Variants in GFRA2 observed in about 807,000 individuals in gnomAD.
The protein encoded by GFRA2 is GDNF family receptor alpha-2.
A neutral mutation model predicts 48.3 loss-of-function variants in GFRA2; 17 were observed. The observed-to-expected ratio is 0.35, with a 90% confidence interval of 0.24 to 0.53. The LOEUF is 0.53. GFRA2 is among the 20% of genes least tolerant of loss of function. The pLI is 0.93. For missense variants in GFRA2, 660 were observed against 637.3 expected (o/e 1.04, Z -0.38); for synonymous variants, 305 against 257.2 (o/e 1.19, Z -1.78).
At chr8:21,808,811 G>A (rs2117122529) in intron 1 of GFRA2, among the ~76,000 whole-genome samples, 1 of 152,360 alleles carries the variant, frequency 6.6e-6, no homozygotes, top group South Asian at 2.1e-4. Flanking sequence ...TGAAGGCCCT[G>A]AAGCCAAGGT....
intron 3 of GFRA2, among the ~76,000 whole-genome samples, chr8:21,763,217 T>C (rs1805994730): frequency 6.6e-6 from 1 of 152,234 alleles, no homozygotes; most frequent in African/African-American, 2.4e-5. Flanking sequence ...AAGACTTAGT[T>C]TGGGTAAATC....
upstream of GFRA2, chr8:21,790,204 G>T: frequency 2.0e-6 from 1 of 511,756 alleles, no homozygotes; most frequent in Non-Finnish European, 2.5e-6. Context: ...GCGGGGTCGC[G>T]GTCGCGCGAG....
intron 2 of GFRA2, among the ~76,000 whole-genome samples, chr8:21,800,704 G>C (rs1413964252): frequency 6.6e-6 from 1 of 152,162 alleles, no homozygotes; most frequent in Non-Finnish European, 1.5e-5. Context: ...GCAGGAGGAT[G>C]GCTTGAGCCC....
At chr8:21,742,413 G>T (rs1212541590) in intron 4 of GFRA2, among the ~76,000 whole-genome samples, 1 of 152,100 alleles carries the variant, frequency 6.6e-6, no homozygotes, top group South Asian at 2.1e-4. Context: ...CTCATCACAG[G>T]GCCTTTATGG....
chr8:21,802,334 G>C (rs1330854001), intron 2 of GFRA2, among the ~76,000 whole-genome samples: 9 of 152,176 alleles, frequency 5.9e-5, no homozygotes, highest in African/African-American at 1.9e-4. Context: ...CACTGACATA[G>C]ACACATTGCC....
chr8:21,778,223 A>C (rs2117722191), intron 2 of GFRA2, among the ~76,000 whole-genome samples: 1 of 152,242 alleles, frequency 6.6e-6, no homozygotes, highest in East Asian at 1.9e-4. Flanking sequence ...ACAGGGAGGA[A>C]GGACTCGCAG....
chr8:21,732,345 G>A (rs954892346), intron 4 of GFRA2, among the ~76,000 whole-genome samples: 4 of 152,246 alleles, frequency 2.6e-5, no homozygotes, highest in African/African-American at 4.8e-5. Context: ...AGGGCCTGCC[G>A]AGTGGAGCAG....
intron 4 of GFRA2, among the ~76,000 whole-genome samples, chr8:21,744,825 C>G (rs933532440): frequency 6.6e-6 from 1 of 152,142 alleles, no homozygotes; most frequent in Non-Finnish European, 1.5e-5. Flanking sequence ...AGCCCTAAGG[C>G]TCGTGCGATA....
chr8:21,727,540 C>A (rs980657582), intron 4 of GFRA2, among the ~76,000 whole-genome samples: 3 of 152,184 alleles, frequency 2.0e-5, no homozygotes, highest in Non-Finnish European at 4.4e-5. Context: ...CCATCACGGC[C>A]CCCCCCAGGA....
intron 4 of GFRA2, among the ~76,000 whole-genome samples, chr8:21,747,981 T>G (rs111339762): frequency 9.2e-5 from 14 of 152,158 alleles, no homozygotes; most frequent in Middle Eastern, 3.4e-3. Flanking sequence ...CACTGGTGTT[T>G]CCAGTAGATT....
At chr8:21,710,469 C>T (rs751298959) in intron 4 of GFRA2, among the ~76,000 whole-genome samples, 4 of 152,196 alleles carry the variant, frequency 2.6e-5, no homozygotes, top group Non-Finnish European at 5.9e-5. Context: ...ATCAAGGAGA[C>T]GGGGCTCCCT....
At chr8:21,771,869 T>C (rs368742450) in intron 3 of GFRA2, among the ~76,000 whole-genome samples, 1 of 151,872 alleles carries the variant, frequency 6.6e-6, no homozygotes, top group African/African-American at 2.4e-5. Flanking sequence ...GCAGGCAATA[T>C]GAGTTGGGTG....
chr8:21,709,498 G>A (rs546114699), intron 4 of GFRA2, among the ~76,000 whole-genome samples: 16 of 152,232 alleles, frequency 1.1e-4, no homozygotes, highest in African/African-American at 3.4e-4. Flanking sequence ...AATACACATC[G>A]AGCCCTGCCG....
At chr8:21,787,479 G>A (rs960969108) in intron 1 of GFRA2, among the ~76,000 whole-genome samples, 3 of 152,212 alleles carry the variant, frequency 2.0e-5, no homozygotes, top group Non-Finnish European at 4.4e-5. Context: ...CACCCATCTG[G>A]CTCGGGGCTC....
At chr8:21,701,954 A>G (rs1434577532) in intron 7 of GFRA2, among the ~76,000 whole-genome samples, 1 of 152,146 alleles carries the variant, frequency 6.6e-6, no homozygotes. Flanking sequence ...GCATCCTGCC[A>G]AGTCAGCCTC....
At position 21,728,265 on chromosome 8, in the gene GFRA2, G is replaced by GTTT. The variant is rs34490346; in HGVS notation, c.795-22227_795-22225dup. On this transcript the variant is annotated intron_variant, in intron 4 of 8. Transcript: ENST00000524240. Reference sequence around the variant, plus strand: ...TGTTTCCACAGACTCCGGGAACCAGGTTTTTTTTTTTTTTTTTTTTTTTTT... The same window carrying GTTT: ...TGTTTCCACAGACTCCGGGAACCAGGTTTTTTTTTTTTTTTTTTTTTTTTTTTT... Among the ~76,000 whole-genome samples, 250 of 65,312 alleles carry GTTT rather than the reference G, an allele frequency of 3.8e-3. 26 individuals carry two copies. Among genetic ancestry groups the GTTT allele is most frequent in the South Asian group, 4.8e-3 (6 of 1,248 alleles). The allele number at this position is 65,312 out of a possible 152,430, so 42.8% of individuals were successfully genotyped here.
intron 7 of GFRA2, among the ~76,000 whole-genome samples, chr8:21,699,382 T>C (rs1802359978): frequency 6.6e-6 from 1 of 152,154 alleles, no homozygotes; most frequent in African/African-American, 2.4e-5. Context: ...GCCCAAGATG[T>C]GACTGGCAGT....
chr8:21,708,048 G>C (rs150211186), intron 4 of GFRA2, among the ~76,000 whole-genome samples: 2 of 152,204 alleles, frequency 1.3e-5, no homozygotes, highest in East Asian at 3.9e-4. Context: ...GCAGAGCCAA[G>C]ACTCAAGTCT....
chr8:21,785,985 T>C (rs1807249692), intron 1 of GFRA2, among the ~76,000 whole-genome samples: 1 of 150,768 alleles, frequency 6.6e-6, no homozygotes, highest in South Asian at 2.1e-4. Flanking sequence ...AACCCATCCC[T>C]TCCTTTCCAC....
Sources: gnomAD v4.1 joint callset for allele counts (sites outside exome capture counted in the v4.1 genomes callset) on GRCh38, gnomAD v4.1.1 for gene constraint, MANE v1.5 for transcripts, NCBI Gene and HGNC (gene_info 2026-07-23, HGNC 2026-07-21) for gene names.